The following TUBB variants were observed in gnomAD, a reference collection of about 807,000 sequenced individuals.
TUBB encodes tubulin beta class I, also known as tubulin beta chain.
A neutral mutation model predicts 35.1 loss-of-function variants in TUBB; 2 were observed. The observed-to-expected ratio is 0.06, with a 90% CI of 0.02 to 0.18. TUBB has a LOEUF of 0.18. Among genes scored for constraint, TUBB ranks in the 10% least tolerant of loss-of-function variants. TUBB has a pLI of 1.00. For missense variants in TUBB, 50 were observed against 599.4 expected (o/e 0.08, Z 9.57); for synonymous variants, 205 against 223.8 (o/e 0.92, Z 0.75).
chr6:30,722,724 C>T lies in TUBB; in HGVS notation c.166+79C>T, dbSNP rs957489833. ...TGGGATCTCTTTCCATTTCTGGGCACGCCTTATCCCCTTTGGGTGAATCTG... is the reference window on the plus strand; with the variant it reads ...TGGGATCTCTTTCCATTTCTGGGCATGCCTTATCCCCTTTGGGTGAATCTG... On this transcript the variant is annotated intron_variant, in intron 2 of 3. Coordinates refer to ENST00000327892, the MANE Select transcript of TUBB (RefSeq NM_178014.4). The T allele has an allele frequency of 2.0e-5, 26 of 1,317,150 alleles. No individual in the cohort carries two copies. In the African/African-American group the frequency reaches 2.2e-4, roughly 11 times the overall value. 81.6% of individuals were successfully genotyped at this position (1,317,150 alleles called of 1,614,324 possible).
chr6:30,722,206 G>A (rs1028603669), intron 1 of TUBB: 3 of 289,570 alleles, frequency 1.0e-5, no homozygotes, highest in Non-Finnish European at 2.0e-5. Flanking sequence ...AGCACTTTGG[G>A]AGGCCAAGGT....
At position 30,720,388 on chromosome 6, in the gene TUBB, C is replaced by G; in HGVS notation, c.-119C>G. 3 of 968,098 alleles carry G rather than the reference C, an allele frequency of 3.1e-6. No individual in the cohort carries two copies. Among genetic ancestry groups the G allele is most frequent in the Non-Finnish European group, 1.6e-6 (1 of 606,768 alleles). The allele number at this position is 968,098 out of a possible 1,614,324, so 60.0% of individuals were successfully genotyped here. A position where few individuals can be genotyped will look rare whatever the true frequency, so the allele number is the denominator to read the frequency against. On this transcript the variant is annotated 5_prime_UTR_variant, in exon 1 of 4. Transcript: ENST00000327892. Reference sequence around the variant, plus strand: ...TTCCTGCCGTCGCGTTTGCACCTCGCTGCTCCAGCCTCTGGGGCGCATTCC... The same window carrying G: ...TTCCTGCCGTCGCGTTTGCACCTCGGTGCTCCAGCCTCTGGGGCGCATTCC...
Position 30,724,949 on chromosome 6 carries a change from C to T in TUBB, c.*552C>T, listed in dbSNP as rs1037204477. 1 of 154,076 alleles carries T rather than the reference C, an allele frequency of 6.5e-6. No individual in the cohort carries two copies. 9.5% of individuals were successfully genotyped at this position (154,076 alleles called of 1,614,324 possible). A position where few individuals can be genotyped will look rare whatever the true frequency, so the allele number is the denominator to read the frequency against. On this transcript the variant is annotated 3_prime_UTR_variant, in exon 4 of 4. Transcript: ENST00000327892. The surrounding 1 kb of genome is among the most constrained non-coding windows in gnomAD (Gnocchi z 4.4). ...AGGGAGGTGTCAGCAGTATTATCTCCACTTTCAATCTCCCTCCAAGCTCTA... is the reference window on the plus strand; with the variant it reads ...AGGGAGGTGTCAGCAGTATTATCTCTACTTTCAATCTCCCTCCAAGCTCTA...
At position 30,721,646 on chromosome 6, in the gene TUBB, A is replaced by G. The variant is rs1035431243; in HGVS notation, c.58-891A>G. ...GCGGCAGCTCTTTCCTCAGACCCCC[A>G]GCCTTTTGTGCGCCGCGCGGTGGGG... On this transcript the variant is annotated intron_variant, in intron 1 of 3. Coordinates refer to ENST00000327892, the MANE Select transcript of TUBB (RefSeq NM_178014.4). 11 of 985,242 alleles carry G rather than the reference A, an allele frequency of 1.1e-5. No homozygotes were observed. In the African/African-American group the frequency reaches 1.7e-4, roughly 16 times the overall value. 61.0% of individuals were successfully genotyped at this position (985,242 alleles called of 1,614,324 possible).
intron 1 of TUBB, chr6:30,721,444 T>A (rs1291664643): frequency 1.7e-5 from 10 of 596,068 alleles, no homozygotes; most frequent in Non-Finnish European, 2.1e-5. Context: ...CGGGGCGCCG[T>A]GGGCGCGCGG....
At chr6:30,722,179 C>T (rs1776322219) in intron 1 of TUBB, 1 of 251,450 alleles carries the variant, frequency 4.0e-6, no homozygotes, top group Non-Finnish European at 7.9e-6. Flanking sequence ...GGCGCGGTGG[C>T]TCACCCTTGT....
At chr6:30,720,625 A>G in intron 1 of TUBB, 62 bp downstream of exon 1, 2 of 1,537,796 alleles carry the variant, frequency 1.3e-6, no homozygotes, top group Non-Finnish European at 1.8e-6. Flanking sequence ...AGTTATGAAA[A>G]AATGGTTGTG....
intron 3 of TUBB, 78 bp from the exon 4 acceptor site, chr6:30,723,262 T>C (rs1776417611): frequency 4.9e-6 from 6 of 1,226,238 alleles, no homozygotes; most frequent in Non-Finnish European, 6.8e-6. Flanking sequence ...GAGGGAATTA[T>C]TTGAAAAGTT....
At chr6:30,720,620 T>A in intron 1 of TUBB, 57 bp downstream of exon 1, 1 of 1,549,740 alleles carries the variant, frequency 6.5e-7, no homozygotes, top group Admixed American at 1.9e-5. Flanking sequence ...AGGTAAGTTA[T>A]GAAAAAATGG....
chr6:30,721,545 G>A, intron 1 of TUBB: 6 of 985,298 alleles, frequency 6.1e-6, no homozygotes, highest in Non-Finnish European at 7.2e-6. Context: ...CCGCCCACGC[G>A]CGAAGTCTTT....
Position 30,721,443 on chromosome 6 carries a change from G to C in TUBB, c.57+880G>C, listed in dbSNP as rs1183609545. On this transcript the variant is annotated intron_variant, in intron 1 of 3. Transcript: ENST00000327892. ...CCCTGCGGGGCGGGGCCGGGGCGCC[G>C]TGGGCGCGCGGGGACAATGCGGCGT... The C allele has an allele frequency of 1.3e-5, 8 of 593,566 alleles. No individual in the cohort carries two copies. In the Admixed American group the frequency reaches 1.9e-4, roughly 14 times the overall value. The allele number at this position is 593,566 out of a possible 1,614,324, so 36.8% of individuals were successfully genotyped here. A position where few individuals can be genotyped will look rare whatever the true frequency, so the allele number is the denominator to read the frequency against.
Position 30,722,545 on chromosome 6 carries a change from G to A in TUBB, c.66G>A (p.Glu22=). The part of the protein sequence containing the change: ...CGNQIGAKFW[E]VISDEHGIDP... ...TTGCTCCCCCTCGGCAGTTCTGGGA[G>A]GTGATCAGTGATGAACATGGCATCG... The change falls in exon 2 of 4, where the codon GAG becomes GAA. Residue 22 remains glutamate (E), a synonymous_variant. Transcript: ENST00000327892. The A allele has an allele frequency of 2.5e-6, 4 of 1,613,994 alleles. No individual in the cohort carries two copies. The highest frequency in any genetic ancestry group is 2.5e-6 in the Non-Finnish European group (3 of 1,179,910).
At chr6:30,723,252 G>A (rs1776416870) in intron 3 of TUBB, 88 bp from the exon 4 acceptor site, 13 of 1,156,118 alleles carry the variant, frequency 1.1e-5, no homozygotes, top group Middle Eastern at 2.0e-4. Context: ...AGATACATCC[G>A]AGGGAATTAT....
intron 3 of TUBB, 81 bp from the exon 4 acceptor site, chr6:30,723,259 T>C: frequency 1.7e-6 from 2 of 1,197,408 alleles, no homozygotes; most frequent in East Asian, 2.5e-5. Flanking sequence ...TCCGAGGGAA[T>C]TATTTGAAAA....
chr6:30,722,784 C>T (rs773369371), intron 2 of TUBB, 134 bp from the exon 3 acceptor site: 3 of 1,115,578 alleles, frequency 2.7e-6, no homozygotes, highest in Non-Finnish European at 3.9e-6. Context: ...CCGTCGGGGC[C>T]AAAGACGTCT....
Position 30,723,978 on chromosome 6 carries a change from C to T in TUBB, c.916C>T (p.Arg306Cys). Residue 306 changes from arginine to cysteine, a missense_variant, in exon 4 of 4, where the codon CGC becomes TGC. By Grantham distance (180) the Arg-to-Cys change is radical. Around this residue, in one of 2 missense-constraint regions of TUBB, gnomAD observed 38 missense variants for 578.9 expected, o/e 0.07. Transcript: ENST00000327892. ...AKNMMAACDP[R>C]HGRYLTVAAV... ...GAACATGATGGCTGCCTGTGACCCC[C>T]GCCACGGCCGATACCTCACCGTGGC... 1 of 1,614,108 alleles carries T rather than the reference C, an allele frequency of 6.2e-7. No individual in the cohort carries two copies. Among genetic ancestry groups the T allele is most frequent in the Non-Finnish European group, 8.5e-7 (1 of 1,179,988 alleles).
intron 1 of TUBB, 83 bp from the exon 2 acceptor site, chr6:30,722,454 G>A (rs541103977): frequency 4.6e-5 from 47 of 1,013,380 alleles, no homozygotes; most frequent in Non-Finnish European, 6.8e-5. Flanking sequence ...AAAAAATTAA[G>A]AAAAAGATGA....
chr6:30,722,461 A>G (rs1490872047), intron 1 of TUBB, 76 bp from the exon 2 acceptor site: 37 of 1,039,522 alleles, frequency 3.6e-5, no homozygotes, highest in Admixed American at 6.1e-5. Context: ...TAAGAAAAAG[A>G]TGAAATAAAA....
At position 30,720,466 on chromosome 6, in the gene TUBB, C is replaced by T. The variant is rs1391733221; in HGVS notation, c.-41C>T. 5 of 1,602,582 alleles carry T rather than the reference C, an allele frequency of 3.1e-6. No individual in the cohort carries two copies. Among genetic ancestry groups the T allele is most frequent in the East Asian group, 2.2e-5 (1 of 44,826 alleles). Reference sequence around the variant, plus strand: ...AAAAAAATTACTTATTTTCTTGCCCCATACATACCTTGAGGCGAGCAAAAA... The same window carrying T: ...AAAAAAATTACTTATTTTCTTGCCCTATACATACCTTGAGGCGAGCAAAAA... On this transcript the variant is annotated 5_prime_UTR_variant, in exon 1 of 4. Transcript: ENST00000327892.
Sources: allele counts gnomAD v4.1 joint callset, GRCh38; gene constraint gnomAD v4.1.1; regional missense constraint gnomAD v4.1.1; non-coding constraint Gnocchi (gnomAD v3.1); transcripts MANE v1.5; gene names NCBI Gene and HGNC (gene_info 2026-07-23, HGNC 2026-07-21).